Variants in LAMA4 observed in about 807,000 individuals in gnomAD.
LAMA4 encodes the protein laminin subunit alpha-4.
LAMA4 carries 127 observed loss-of-function variants against 207.1 expected under a neutral mutation model. The observed-to-expected ratio is 0.61, with a 90% CI of 0.53 to 0.71. The LOEUF is 0.71. LAMA4 is among the 30% of genes least tolerant of loss of function. The pLI, the probability that LAMA4 is intolerant of heterozygous loss-of-function variation, is 0.00. For synonymous variants in LAMA4, 761 were observed against 816.0 expected (o/e 0.93, Z 1.15); for missense variants, 2,093 against 2,246.5 (o/e 0.93, Z 1.38).
chr6:112,206,946 G>A, intron 4 of LAMA4, 75 bp downstream of exon 4: 3 of 1,545,186 alleles, frequency 1.9e-6, no homozygotes, highest in Admixed American at 1.7e-5. Flanking sequence ...CTGGGATAAG[G>A]CAAAACAAAA....
rs1328452561 is a variant in LAMA4 at position 112,108,540 on chromosome 6, C to A, written c.*897G>T. Among the ~76,000 whole-genome samples, 5 of 152,070 alleles carry A rather than the reference C, an allele frequency of 3.3e-5. No individual in the cohort carries two copies. The highest frequency in any genetic ancestry group is 7.4e-5 in the Non-Finnish European group (5 of 68,012). On this transcript the variant is annotated 3_prime_UTR_variant, in exon 39 of 39. Transcript: ENST00000230538. Reference sequence around the variant, plus strand: ...GCTTAAGCGATCCTCCCGTCTCAGCCTCCCAAGTAGCTGGGACTACAGGTG... The same window carrying A: ...GCTTAAGCGATCCTCCCGTCTCAGCATCCCAAGTAGCTGGGACTACAGGTG...
chr6:112,227,906 CTTAT>C (rs145415561), intron 2 of LAMA4, among the ~76,000 whole-genome samples: 15,339 of 152,170 alleles, frequency 0.1, 916 homozygotes, highest in Middle Eastern at 0.2. Context: ...TTTTACGGTG[CTTAT>C]TTATTCTAGT....
Position 112,134,502 on chromosome 6 carries a change from G to A in LAMA4, c.3522C>T (p.Tyr1174=), listed in dbSNP as rs1779219443. 8 of 1,612,516 alleles carry A rather than the reference G, an allele frequency of 5.0e-6. No homozygotes were observed. The African/African-American group carries it at 9.3e-5, about 19-fold the overall frequency. Residue 1174 remains tyrosine, a synonymous_variant, in exon 26 of 39, where the codon TAC becomes TAT. Transcript: ENST00000230538. ...AGATTTCTGGAGGAGCTCCTCCAATGTATATATCTGTAAAAGGTATTTTCA... is the reference window on the plus strand; with the variant it reads ...AGATTTCTGGAGGAGCTCCTCCAATATATATATCTGTAAAAGGTATTTTCA... ...EKMKIPFTDI[Y]IGGAPPEILQ...
intron 11 of LAMA4, 29 bp from the exon 12 acceptor site, chr6:112,172,833 T>C (rs1554342445): frequency 6.3e-7 from 1 of 1,593,254 alleles, no homozygotes; most frequent in South Asian, 1.1e-5. Context: ...AAAGGCTCAG[T>C]GTGGCTTTCT....
chr6:112,199,295 T>C (rs1052315821), intron 5 of LAMA4, among the ~76,000 whole-genome samples: 25 of 152,186 alleles, frequency 1.6e-4, no homozygotes, highest in Admixed American at 1.6e-3. Flanking sequence ...CTGCGAGCTT[T>C]GCATTTGGTC....
At chr6:112,170,885 C>T (rs545833107) in intron 12 of LAMA4, among the ~76,000 whole-genome samples, 1 of 152,084 alleles carries the variant, frequency 6.6e-6, no homozygotes, top group Non-Finnish European at 1.5e-5. Flanking sequence ...TGAGGTTAGC[C>T]AGATGAGTAG....
rs1469242521 is a variant in LAMA4 at position 112,144,902 on chromosome 6, G to A, written c.2385C>T (p.Leu795=). Reference sequence around the variant, plus strand: ...GCTCAACCGTACGAAGCTGATCCAGGAGCTGAGGGACAACCTCGGTCAGAT... The same window carrying A: ...GCTCAACCGTACGAAGCTGATCCAGAAGCTGAGGGACAACCTCGGTCAGAT... ...VRNLTEVVPQ[L]LDQLRTVEQK... Residue 795 remains leucine, a synonymous_variant, in exon 19 of 39, where the codon CTC becomes CTT. Coordinates refer to ENST00000230538, the MANE Select transcript of LAMA4 (RefSeq NM_001105206.3). 1.2e-6 allele frequency: 2 copies of A among 1,614,014 alleles called. No individual in the cohort carries two copies. Among genetic ancestry groups the A allele is most frequent in the Non-Finnish European group, 1.7e-6 (2 of 1,180,002 alleles).
chr6:112,171,513 AGC>A (rs1781709132), intron 12 of LAMA4: 1 of 153,698 alleles, frequency 6.5e-6, no homozygotes, highest in Non-Finnish European at 1.5e-5. Flanking sequence ...GAAGGAAGAG[AGC>A]TAAAACATGT....
chr6:112,176,078 T>C lies in LAMA4; in HGVS notation c.1190-598A>G, dbSNP rs117201308. On this transcript the variant is annotated intron_variant, in intron 10 of 38. Coordinates refer to ENST00000230538, the MANE Select transcript of LAMA4 (RefSeq NM_001105206.3). ...AATGAGGGTTTGTTATAATATGATGTGAGCTTTTGCTCATTGATAGTTATT... is the reference window on the plus strand; with the variant it reads ...AATGAGGGTTTGTTATAATATGATGCGAGCTTTTGCTCATTGATAGTTATT... 8.2e-4 allele frequency among the ~76,000 whole-genome samples: 125 copies of C among 152,372 alleles called. 6 individuals carry two copies. The East Asian group carries it at 0.022, about 27-fold the overall frequency.
rs397516733 is a variant in LAMA4 at position 112,117,868 on chromosome 6, G to A, written c.4852C>T (p.Leu1618Phe). Residue 1618 changes from leucine to phenylalanine, a missense_variant, in exon 35 of 39, where the codon CTC becomes TTC. Leu to Phe is a conservative substitution (Grantham distance 22). This residue lies in a region of LAMA4 where 383 missense variants were observed against 437.8 expected (regional missense o/e 0.87). Transcript: ENST00000230538. The surrounding 1 kb of genome is among the most constrained non-coding windows in gnomAD (Gnocchi z 4.5). ...INSIYSFSGC[L>F]SNLQLNGASI... ...GCCCCATTGAGCTGGAGATTGCTGAGACAGCCACTAAAACTGTAGATGGAG... is the reference window on the plus strand; with the variant it reads ...GCCCCATTGAGCTGGAGATTGCTGAAACAGCCACTAAAACTGTAGATGGAG... 2.6e-4 allele frequency: 425 copies of A among 1,613,352 alleles called. 1 individual carries two copies. The South Asian group carries it at 2.7e-3, about 10-fold the overall frequency.
intron 13 of LAMA4, among the ~76,000 whole-genome samples, chr6:112,161,721 G>A (rs1440558859): frequency 6.6e-6 from 1 of 152,180 alleles, no homozygotes; most frequent in Non-Finnish European, 1.5e-5. Flanking sequence ...GGTGGGATGA[G>A]GAGTGAGTGG....
chr6:112,167,530 T>G (rs1198002422), intron 12 of LAMA4, among the ~76,000 whole-genome samples: 2 of 152,212 alleles, frequency 1.3e-5, no homozygotes, highest in Non-Finnish European at 2.9e-5. Context: ...TTTTAAATTT[T>G]GTTGGAAGGA....
At chr6:112,210,372 A>C (rs1554356070) in intron 3 of LAMA4, among the ~76,000 whole-genome samples, 1 of 152,220 alleles carries the variant, frequency 6.6e-6, no homozygotes, top group Non-Finnish European at 1.5e-5. Flanking sequence ...AACTGACTCC[A>C]CTTAAAAATG....
At chr6:112,213,595 A>T (rs782013767) in intron 3 of LAMA4, 1 of 155,222 alleles carries the variant, frequency 6.4e-6, no homozygotes, top group Non-Finnish European at 1.4e-5. Flanking sequence ...TATTTGAAAG[A>T]TTAGTGTTCC....
Position 112,108,211 on chromosome 6 carries a change from A to T in LAMA4, c.*1226T>A, listed in dbSNP as rs1275721269. On this transcript the variant is annotated 3_prime_UTR_variant, in exon 39 of 39. Transcript: ENST00000230538. ...AAAGTTACTCCTTTTATGTATTGTTAATTCTGTTGATATCAGGGCCTATTT... is the reference window on the plus strand; with the variant it reads ...AAAGTTACTCCTTTTATGTATTGTTTATTCTGTTGATATCAGGGCCTATTT... Among the ~76,000 whole-genome samples the T allele has an allele frequency of 6.6e-6, 1 of 151,932 alleles. No individual in the cohort carries two copies. The highest frequency in any genetic ancestry group is 1.9e-4 in the East Asian group (1 of 5,188).
chr6:112,202,440 AGG>A (rs2115006116), intron 4 of LAMA4, among the ~76,000 whole-genome samples: 1 of 140,876 alleles, frequency 7.1e-6, no homozygotes, highest in African/African-American at 3.0e-5. Context: ...TGTGGGGCAT[AGG>A]GGTGTGTGTG....
intron 10 of LAMA4, among the ~76,000 whole-genome samples, chr6:112,177,637 C>A (rs1459573290): frequency 1.3e-5 from 2 of 152,180 alleles, no homozygotes. Flanking sequence ...TCCCACAGCC[C>A]CGCTCCTTCC....
chr6:112,155,831 C>T (rs1554336835), intron 14 of LAMA4, 125 bp from the exon 15 acceptor site: 1 of 1,141,358 alleles, frequency 8.8e-7, no homozygotes, highest in African/African-American at 1.5e-5. Context: ...TCAAAGTCAC[C>T]TAGTGTGGCA....
chr6:112,243,927 G>T (rs138413832), intron 2 of LAMA4, among the ~76,000 whole-genome samples: 1 of 152,050 alleles, frequency 6.6e-6, no homozygotes, highest in South Asian at 2.1e-4. Flanking sequence ...GCATGGTGGC[G>T]GGTGCCTGTA....
Sources: gnomAD v4.1 joint callset for allele counts (sites outside exome capture counted in the v4.1 genomes callset) on GRCh38, gnomAD v4.1.1 for gene constraint, gnomAD v4.1.1 regional missense constraint, Gnocchi (gnomAD v3.1) non-coding constraint, MANE v1.5 for transcripts, NCBI Gene and HGNC (gene_info 2026-07-23, HGNC 2026-07-21) for gene names.